Variants in SRPK2 observed in about 807,000 individuals in gnomAD.
SRPK2 encodes the protein SRSF protein kinase 2.
A neutral mutation model predicts 90.8 loss-of-function variants in SRPK2; 21 were observed. That is an observed-to-expected ratio of 0.23 (90% CI 0.16 to 0.33). The LOEUF (loss-of-function observed/expected upper bound fraction) is 0.33. SRPK2 is among the 10% of genes least tolerant of loss of function. The probability of loss-of-function intolerance (pLI) is 1.00; values close to 1 mark genes in which losing one functional copy is unlikely to be tolerated. For synonymous variants in SRPK2, 288 were observed against 311.1 expected, an observed-to-expected ratio of 0.93 and a Z score of 0.78; for missense variants, 620 against 869.0, an observed-to-expected ratio of 0.71 and a Z score of 3.60.
chr7:105,252,479 G>T (rs1454668381), intron 2 of SRPK2, among the ~76,000 whole-genome samples: 1 of 152,052 alleles, frequency 6.6e-6, no homozygotes, highest in Non-Finnish European at 1.5e-5. Context: ...AAGTTGAGTG[G>T]TTTTTGAATT....
intron 2 of SRPK2, among the ~76,000 whole-genome samples, chr7:105,315,142 C>G (rs965101793): frequency 1.6e-4 from 25 of 152,038 alleles, no homozygotes; most frequent in African/African-American, 4.3e-4. Context: ...TATAAAGGAG[C>G]CTAGAATGAT....
chr7:105,207,678 A>G (rs1166572447), intron 2 of SRPK2, among the ~76,000 whole-genome samples: 1 of 152,232 alleles, frequency 6.6e-6, no homozygotes, highest in Non-Finnish European at 1.5e-5. Flanking sequence ...GCTTTACATG[A>G]AAGAGCTAAA....
intron 3 of SRPK2, among the ~76,000 whole-genome samples, chr7:105,185,651 G>A (rs894721845): frequency 1.3e-5 from 2 of 152,124 alleles, no homozygotes; most frequent in African/African-American, 2.4e-5. Flanking sequence ...AGGTCTTAGA[G>A]ACAAACTGAC....
chr7:105,252,337 T>C (rs143116410), intron 2 of SRPK2, among the ~76,000 whole-genome samples: 30 of 152,184 alleles, frequency 2.0e-4, no homozygotes, highest in African/African-American at 5.5e-4. Context: ...GGGTGGAGCT[T>C]AGGAAACAAA....
At chr7:105,338,279 C>A (rs970494346) in intron 2 of SRPK2, among the ~76,000 whole-genome samples, 1 of 152,078 alleles carries the variant, frequency 6.6e-6, no homozygotes, top group Non-Finnish European at 1.5e-5. Flanking sequence ...TTGAGACAGT[C>A]TCCCAGGCTG....
intron 2 of SRPK2, among the ~76,000 whole-genome samples, chr7:105,290,538 T>C (rs1489895964): frequency 1.3e-5 from 2 of 151,880 alleles, no homozygotes; most frequent in Admixed American, 6.6e-5. Context: ...ATTAGCAAAG[T>C]GCAACAAAAT....
chr7:105,323,967 TTGTGTG>T (rs58288208), intron 2 of SRPK2, among the ~76,000 whole-genome samples: 3,181 of 133,816 alleles, frequency 0.024, 93 homozygotes, highest in African/African-American at 0.068. Flanking sequence ...AGACTATTCT[TTGTGTG>T]TGTGTGTGTG....
intron 7 of SRPK2, among the ~76,000 whole-genome samples, chr7:105,150,444 A>G (rs1805472045): frequency 6.6e-6 from 1 of 152,254 alleles, no homozygotes; most frequent in Non-Finnish European, 1.5e-5. Flanking sequence ...CTGAGGCACA[A>G]GGCGGAGGTC....
intron 2 of SRPK2, among the ~76,000 whole-genome samples, chr7:105,353,589 C>T (rs1287349361): frequency 6.6e-6 from 1 of 152,056 alleles, no homozygotes; most frequent in Non-Finnish European, 1.5e-5. Flanking sequence ...TGGTCTCAAA[C>T]TCCTGAGCTC....
At chr7:105,306,625 C>CTCTCG in intron 2 of SRPK2, 1 of 386,150 alleles carries the variant, frequency 2.6e-6, no homozygotes, top group African/African-American at 2.1e-5. Context: ...AACTGCTATC[C>CTCTCG]TCTCGTTGGC....
intron 2 of SRPK2, among the ~76,000 whole-genome samples, chr7:105,332,406 C>T (rs980180064): frequency 5.3e-5 from 8 of 152,198 alleles, no homozygotes; most frequent in African/African-American, 1.9e-4. Context: ...TCTTCCTAAC[C>T]TTAAAACTAA....
intron 2 of SRPK2, among the ~76,000 whole-genome samples, chr7:105,224,320 T>C (rs1017365785): frequency 1.2e-4 from 18 of 152,192 alleles, no homozygotes; most frequent in African/African-American, 4.1e-4. Flanking sequence ...TACTCAAAAA[T>C]AATTTTAAGG....
intron 3 of SRPK2, among the ~76,000 whole-genome samples, chr7:105,177,672 C>G (rs1792153439): frequency 6.6e-6 from 1 of 152,114 alleles, no homozygotes; most frequent in Non-Finnish European, 1.5e-5. Context: ...TAGGTTATCA[C>G]TGTGCTTTCA....
intron 11 of SRPK2, among the ~76,000 whole-genome samples, chr7:105,137,783 A>ACT (rs1484572368): frequency 6.6e-6 from 1 of 152,154 alleles, no homozygotes; most frequent in Non-Finnish European, 1.5e-5. Flanking sequence ...TCTTTCTTCT[A>ACT]CTATGCCCTA....
intron 7 of SRPK2, among the ~76,000 whole-genome samples, chr7:105,153,391 C>T (rs1806020828): frequency 1.3e-5 from 2 of 152,146 alleles, no homozygotes; most frequent in Admixed American, 1.3e-4. Context: ...GGTCTCAAAG[C>T]TTGCTTTCTG....
At chr7:105,141,250 T>G (rs898701534) in intron 11 of SRPK2, among the ~76,000 whole-genome samples, 1 of 152,208 alleles carries the variant, frequency 6.6e-6, no homozygotes, top group African/African-American at 2.4e-5. Context: ...GTCGGGCTGT[T>G]TGCAGGGCTG....
intron 3 of SRPK2, among the ~76,000 whole-genome samples, chr7:105,171,123 A>C (rs541065639): frequency 4.6e-5 from 7 of 152,066 alleles, no homozygotes; most frequent in Non-Finnish European, 1.0e-4. Context: ...GAAATCAGCT[A>C]TAGAGGGCAC....
At chr7:105,214,237 A>G (rs1018185944) in intron 2 of SRPK2, among the ~76,000 whole-genome samples, 1 of 152,186 alleles carries the variant, frequency 6.6e-6, no homozygotes, top group Non-Finnish European at 1.5e-5. Flanking sequence ...TTTTTTAAGG[A>G]GCATGAGCCT....
At chr7:105,386,897 A>C (rs746109756) in intron 2 of SRPK2, among the ~76,000 whole-genome samples, 11 of 152,190 alleles carry the variant, frequency 7.2e-5, no homozygotes, top group Non-Finnish European at 1.6e-4. Context: ...CACAATACAC[A>C]GTGGGAGAAA....
Sources: gnomAD v4.1 joint callset for allele counts (sites outside exome capture counted in the v4.1 genomes callset) on GRCh38, gnomAD v4.1.1 for gene constraint, MANE v1.5 for transcripts, NCBI Gene and HGNC (gene_info 2026-07-23, HGNC 2026-07-21) for gene names.